Variants in FAM161A observed in about 807,000 individuals in gnomAD.
FAM161A encodes FAM161 centrosomal protein A.
FAM161A carries 57 observed loss-of-function variants against 70.9 expected under a neutral mutation model. That is an observed-to-expected ratio of 0.80 (90% CI 0.65 to 1.00). FAM161A has a LOEUF of 1.00. FAM161A is among the 50% of genes least tolerant of loss of function. The pLI is 0.00. For missense variants in FAM161A, 880 were observed against 836.0 expected (o/e 1.05, Z -0.65); for synonymous variants, 299 against 295.7 (o/e 1.01, Z -0.12).
At chr2:61,853,622 T>C (rs1001256291) in intron 1 of FAM161A, among the ~76,000 whole-genome samples, 1 of 152,224 alleles carries the variant, frequency 6.6e-6, no homozygotes, top group African/African-American at 2.4e-5. Context: ...GTAACATAAA[T>C]GTTGTCTAGG....
At chr2:61,822,140 G>C (rs960161307), downstream of FAM161A, among the ~76,000 whole-genome samples, 1 of 151,346 alleles carries the variant, frequency 6.6e-6, no homozygotes, top group African/African-American at 2.4e-5. Flanking sequence ...TACTATAAAG[G>C]TTATTCCTGG....
intron 1 of FAM161A, among the ~76,000 whole-genome samples, chr2:61,842,948 G>T (rs1310567516): frequency 6.6e-6 from 1 of 152,204 alleles, no homozygotes; most frequent in Non-Finnish European, 1.5e-5. Flanking sequence ...GGACATGGGA[G>T]GGGGTAGGAG....
chr2:61,835,862 G>A (rs1434902747), intron 5 of FAM161A, 148 bp downstream of exon 5: 2 of 692,906 alleles, frequency 2.9e-6, no homozygotes, highest in Non-Finnish European at 5.2e-6. Context: ...TTACTCATTG[G>A]CTGATATGAT....
At chr2:61,834,995 TA>T (rs1354195601) in intron 5 of FAM161A, among the ~76,000 whole-genome samples, 1 of 152,034 alleles carries the variant, frequency 6.6e-6, no homozygotes, top group Admixed American at 6.6e-5. Flanking sequence ...ATAAAGATGT[TA>T]AAAAAATCCA....
chr2:61,823,387 T>TA (rs1558470717), downstream of FAM161A, among the ~76,000 whole-genome samples: 45 of 110,892 alleles, frequency 4.1e-4, no homozygotes, highest in African/African-American at 1.3e-3. Flanking sequence ...ATATATATAT[T>TA]GAGTCAGGGT....
In FAM161A at chr2:61,848,976, A is replaced by T. The variant is rs1268155706; in HGVS notation, c.183+4883T>A. On this transcript the variant is annotated intron_variant, in intron 1 of 6. Transcript: ENST00000404929. The stretch of plus-strand genomic sequence containing the variant: ...TATATATATATTTATATATATATAT[A>T]TTTATATATTTATATATATTTATAT... Among the ~76,000 whole-genome samples the T allele has an allele frequency of 2.8e-4, 2 of 7,064 alleles. 1 individual carries two copies. Among genetic ancestry groups the T allele is most frequent in the Non-Finnish European group, 4.0e-4 (2 of 4,970 alleles). 4.6% of individuals were successfully genotyped at this position (7,064 alleles called of 152,430 possible). A position where few individuals can be genotyped will look rare whatever the true frequency, so the allele number is the denominator to read the frequency against.
rs531120009 is a variant in FAM161A at position 61,852,285 on chromosome 2, T to C, written c.183+1574A>G. ...ACAAATTTGCAGTTTAACAGGGCAC[T>C]GTGGAAGCATATCTGCAACTTAGAA... On this transcript the variant is annotated intron_variant, in intron 1 of 6. Coordinates refer to ENST00000404929, the MANE Select transcript of FAM161A (RefSeq NM_001201543.2). Among the ~76,000 whole-genome samples, 11 of 152,316 alleles carry C rather than the reference T, an allele frequency of 7.2e-5. No individual in the cohort carries two copies. The East Asian group carries it at 1.2e-3, about 16-fold the overall frequency.
At chr2:61,845,123 G>A (rs1673158903) in intron 1 of FAM161A, among the ~76,000 whole-genome samples, 2 of 152,192 alleles carry the variant, frequency 1.3e-5, no homozygotes, top group African/African-American at 2.4e-5. Context: ...CTTGGTTATG[G>A]ACGAGGCTGC....
the FAM161A span, among the ~76,000 whole-genome samples, chr2:61,804,212 G>T: frequency 6.6e-6 from 1 of 152,134 alleles, no homozygotes; most frequent in East Asian, 1.9e-4. Flanking sequence ...GGTTACTCTC[G>T]TGGCCATCTT....
chr2:61,838,049 G>T (rs575443732), intron 4 of FAM161A, among the ~76,000 whole-genome samples: 1 of 152,280 alleles, frequency 6.6e-6, no homozygotes, highest in African/African-American at 2.4e-5. Context: ...TAGTGAAGGG[G>T]TTCTAAGAAT....
intron 5 of FAM161A, among the ~76,000 whole-genome samples, chr2:61,830,754 C>T (rs1672540035): frequency 6.6e-6 from 1 of 151,364 alleles, no homozygotes; most frequent in African/African-American, 2.4e-5. Flanking sequence ...ATGATCCTCC[C>T]CCCCTCAGTT....
At chr2:61,804,229 G>C in the FAM161A span, among the ~76,000 whole-genome samples, 2,989 of 152,196 alleles carry the variant, frequency 0.02, 89 homozygotes, top group African/African-American at 0.067. Flanking sequence ...TCTTGGTTTT[G>C]GTGGGTTTTA....
rs200573215 is a variant in FAM161A, at chr2:61,839,811, A to G, written c.1193T>C (p.Leu398Pro). The change falls in exon 3 of 7, where the codon CTG (leucine) becomes CCG (proline). Residue 398 changes from leucine to proline, a missense_variant. By Grantham distance (98) the Leu-to-Pro change is moderately conservative. Coordinates refer to ENST00000404929, the MANE Select transcript of FAM161A (RefSeq NM_001201543.2). ...GCATCCACAAGCTGACCTACAAGGC[A>G]GAGGAGATGAGTTCTGTAAATGCTC... ...AQEHLQNSSP[L>P]PCRSACGCRN... is the part of the protein sequence containing the mutation. 2.2e-5 allele frequency: 36 copies of G among 1,614,196 alleles called. No individual in the cohort carries two copies. The highest frequency in any genetic ancestry group is 3.1e-5 in the Non-Finnish European group (36 of 1,180,032).
chr2:61,827,269 G>T lies in FAM161A; in HGVS notation c.1852-11C>A. On this transcript the variant is annotated splice_polypyrimidine_tract_variant and intron_variant, in intron 5 of 6. Coordinates refer to ENST00000404929, the MANE Select transcript of FAM161A (RefSeq NM_001201543.2). Reference sequence around the variant, plus strand: ...CATTCTTGCATTTTTCTATAGGAAAGACAAACCTTTTTAGACGAGAACAGA... The same window carrying T: ...CATTCTTGCATTTTTCTATAGGAAATACAAACCTTTTTAGACGAGAACAGA... 6.2e-7 allele frequency: 1 copy of T among 1,612,020 alleles called. No individual in the cohort carries two copies. Among genetic ancestry groups the T allele is most frequent in the Non-Finnish European group, 8.5e-7 (1 of 1,179,754 alleles).
At chr2:61,838,773 C>G in intron 3 of FAM161A, 68 bp from the exon 4 acceptor site, 6 of 1,191,256 alleles carry the variant, frequency 5.0e-6, no homozygotes, top group Non-Finnish European at 6.6e-6. Flanking sequence ...AAAGATTTAA[C>G]ATGGGATAAT....
chr2:61,808,884 T>G, the FAM161A span, among the ~76,000 whole-genome samples: 1 of 152,022 alleles, frequency 6.6e-6, no homozygotes, highest in African/African-American at 2.4e-5. Flanking sequence ...ATGTTGACTT[T>G]TTTTTTTGAG....
At chr2:61,846,913 G>A (rs1419140499) in intron 1 of FAM161A, 3 of 454,966 alleles carry the variant, frequency 6.6e-6, no homozygotes, top group Non-Finnish European at 4.4e-6. Context: ...AGGCACAGTG[G>A]TTCATGCCTG....
At chr2:61,852,172 CT>C (rs1210528753) in intron 1 of FAM161A, among the ~76,000 whole-genome samples, 1 of 151,888 alleles carries the variant, frequency 6.6e-6, no homozygotes, top group Non-Finnish European at 1.5e-5. Flanking sequence ...TAAGACTTGG[CT>C]TCCTTTTTTT....
At chr2:61,817,117 G>C in the FAM161A span, among the ~76,000 whole-genome samples, 1 of 152,114 alleles carries the variant, frequency 6.6e-6, no homozygotes, top group African/African-American at 2.4e-5. Context: ...ATCCATTCTC[G>C]GTCAGATGGC....
Sources: allele counts gnomAD v4.1 joint callset (sites outside exome capture counted in the v4.1 genomes callset), GRCh38; gene constraint gnomAD v4.1.1; transcripts MANE v1.5; gene names NCBI Gene and HGNC (gene_info 2026-07-23, HGNC 2026-07-21).